BIK: variants seen among roughly 807,000 people sequenced by gnomAD.
BIK encodes the protein BCL2 interacting killer, also known as bcl-2-interacting killer.
A neutral mutation model predicts 12.1 loss-of-function variants in BIK; 14 were observed. The observed-to-expected ratio is 1.16, with a 90% confidence interval of 0.77 to 1.81. BIK has a LOEUF of 1.81. Among genes scored for constraint, BIK ranks in the 40% most tolerant of loss-of-function variants. The probability of loss-of-function intolerance (pLI) is 0.00; values close to 1 mark genes in which losing one functional copy is unlikely to be tolerated. For synonymous variants in BIK, 86 were observed against 92.3 expected (o/e 0.93, Z 0.39); for missense variants, 215 against 207.9 (o/e 1.03, Z -0.21).
intron 1 of BIK, among the ~76,000 whole-genome samples, chr22:43,115,502 G>A (rs991485311): frequency 9.2e-5 from 14 of 152,136 alleles, no homozygotes; most frequent in East Asian, 1.9e-4. Flanking sequence ...TACTCCTGTC[G>A]CGGGGGCTGG....
intron 1 of BIK, among the ~76,000 whole-genome samples, chr22:43,119,828 G>T (rs1250609820): frequency 6.6e-6 from 1 of 152,128 alleles, no homozygotes; most frequent in Non-Finnish European, 1.5e-5. Flanking sequence ...ATAAAAATGA[G>T]CCAAGTGCAG....
intron 1 of BIK, among the ~76,000 whole-genome samples, chr22:43,113,759 A>C (rs1450344906): frequency 6.6e-6 from 1 of 152,186 alleles, no homozygotes; most frequent in East Asian, 1.9e-4. Context: ...TTTTTAGTGA[A>C]CCTATTAAAT....
At chr22:43,129,156 T>A (rs1033530640) in intron 4 of BIK, 57 bp from the exon 5 acceptor site, 2 of 1,599,610 alleles carry the variant, frequency 1.3e-6, no homozygotes, top group Non-Finnish European at 1.7e-6. Context: ...CTGTCACCCG[T>A]CTGGCCCCAT....
Position 43,128,386 on chromosome 22 carries a change from G to A in BIK, c.261-110G>A, listed in dbSNP as rs560140284. ...AGGGCCCCGGGTGGCTGTGGGGTGG[G>A]AGGGCACAGGCCCCTGCTCCCCACA... On this transcript the variant is annotated intron_variant, in intron 3 of 4. Transcript: ENST00000216115. 9 of 1,388,180 alleles carry A rather than the reference G, an allele frequency of 6.5e-6. No individual in the cohort carries two copies. The South Asian group carries it at 8.6e-5, about 13-fold the overall frequency. The allele number at this position is 1,388,180 out of a possible 1,614,324, so 86.0% of individuals were successfully genotyped here. A position where few individuals can be genotyped will look rare whatever the true frequency, so the allele number is the denominator to read the frequency against.
intron 2 of BIK, among the ~76,000 whole-genome samples, chr22:43,126,029 CTTTT>C (rs536702353): frequency 1.9e-4 from 27 of 140,628 alleles, no homozygotes; most frequent in Non-Finnish European, 2.3e-4. Context: ...AGGACCTGCA[CTTTT>C]TTTTTTTTTT....
chr22:43,126,476 C>T (rs372650776), intron 2 of BIK, among the ~76,000 whole-genome samples: 13 of 152,268 alleles, frequency 8.5e-5, no homozygotes, highest in African/African-American at 3.1e-4. Context: ...CGTGAGCCAC[C>T]ACACCCGGCC....
chr22:43,111,057 G>C (rs1930000119), intron 1 of BIK, among the ~76,000 whole-genome samples: 1 of 152,034 alleles, frequency 6.6e-6, no homozygotes, highest in Non-Finnish European at 1.5e-5. Context: ...CAGTCTCCGC[G>C]CCTGTGCAAT....
At chr22:43,112,283 C>T (rs552825940) in intron 1 of BIK, among the ~76,000 whole-genome samples, 3 of 152,288 alleles carry the variant, frequency 2.0e-5, no homozygotes, top group South Asian at 2.1e-4. Context: ...ACTGCAACCT[C>T]GGCCTCCTGG....
chr22:43,111,315 C>T (rs1029193154), intron 1 of BIK, among the ~76,000 whole-genome samples: 7 of 152,156 alleles, frequency 4.6e-5, no homozygotes, highest in African/African-American at 1.4e-4. Context: ...TGAGGAAGGG[C>T]CGAGGAAAGG....
At chr22:43,115,607 C>T (rs1227601101) in intron 1 of BIK, among the ~76,000 whole-genome samples, 2 of 151,926 alleles carry the variant, frequency 1.3e-5, no homozygotes, top group Non-Finnish European at 2.9e-5. Flanking sequence ...GGATTACAGG[C>T]GTGCGCCACC....
chr22:43,122,293 A>G (rs1237600837), intron 1 of BIK, among the ~76,000 whole-genome samples: 1 of 152,220 alleles, frequency 6.6e-6, no homozygotes, highest in Non-Finnish European at 1.5e-5. Flanking sequence ...AAGAACACCC[A>G]GGGCATTATG....
At chr22:43,121,208 C>T (rs141973646) in intron 1 of BIK, among the ~76,000 whole-genome samples, 2 of 152,158 alleles carry the variant, frequency 1.3e-5, no homozygotes, top group African/African-American at 4.8e-5. Context: ...AAAAACACTA[C>T]CACCAACAAA....
Position 43,129,309 on chromosome 22 carries a change from C to A in BIK, c.*4C>A, listed in dbSNP as rs367976515. Reference sequence around the variant, plus strand: ...CCTGCACCTGCTGCTCAAGTGAGGCCCCGGCGGCTCAGGGCGGGGCTGGCC... The same window carrying A: ...CCTGCACCTGCTGCTCAAGTGAGGCACCGGCGGCTCAGGGCGGGGCTGGCC... On this transcript the variant is annotated 3_prime_UTR_variant, in exon 5 of 5. Coordinates refer to ENST00000216115, the MANE Select transcript of BIK (RefSeq NM_001197.5). 9.4e-6 allele frequency: 15 copies of A among 1,597,848 alleles called. No homozygotes were observed. In the Admixed American group the frequency reaches 1.8e-4, roughly 20 times the overall value.
At chr22:43,122,905 C>T (rs763262973) in intron 1 of BIK, among the ~76,000 whole-genome samples, 60 of 152,266 alleles carry the variant, frequency 3.9e-4, no homozygotes, top group Non-Finnish European at 7.1e-4. Context: ...CCCCTGCCTC[C>T]AGCCTCTGAG....
intron 4 of BIK, 78 bp from the exon 5 acceptor site, chr22:43,129,135 T>C (rs1009723496): frequency 6.3e-7 from 1 of 1,597,728 alleles, no homozygotes; most frequent in African/African-American, 1.3e-5. Context: ...GGGCTTCCCC[T>C]TGGCACTCCG....
chr22:43,113,748 G>A (rs1173355794), intron 1 of BIK, among the ~76,000 whole-genome samples: 1 of 152,178 alleles, frequency 6.6e-6, no homozygotes, highest in African/African-American at 2.4e-5. Flanking sequence ...AAAGCATCCT[G>A]TTTTTAGTGA....
intron 1 of BIK, among the ~76,000 whole-genome samples, chr22:43,112,596 G>C (rs561818443): frequency 2.1e-4 from 32 of 151,274 alleles, no homozygotes; most frequent in African/African-American, 6.8e-4. Flanking sequence ...ATTGTCTTAA[G>C]GATGTTAAGA....
chr22:43,129,121 T>A, intron 4 of BIK, 92 bp from the exon 5 acceptor site: 10 of 1,593,994 alleles, frequency 6.3e-6, no homozygotes, highest in Non-Finnish European at 8.5e-6. Flanking sequence ...GTCCCCACCC[T>A]CCTGGGCTTC....
chr22:43,127,858 C>A, intron 3 of BIK, 63 bp downstream of exon 3: 1 of 1,452,438 alleles, frequency 6.9e-7, no homozygotes, highest in South Asian at 1.2e-5. Context: ...GGGTGGAGGC[C>A]CTGAACACAG....
Sources: gnomAD v4.1 joint callset for allele counts (sites outside exome capture counted in the v4.1 genomes callset) on GRCh38, gnomAD v4.1.1 for gene constraint, MANE v1.5 for transcripts, NCBI Gene and HGNC (gene_info 2026-07-23, HGNC 2026-07-21) for gene names.